Variants in RGS6 observed in about 807,000 individuals in gnomAD.
RGS6 encodes the protein regulator of G protein signaling 6, also known as regulator of G-protein signaling 6.
A neutral mutation model predicts 78.5 loss-of-function variants in RGS6; 30 were observed. That is an observed-to-expected ratio of 0.38 (90% CI 0.29 to 0.52). The LOEUF (loss-of-function observed/expected upper bound fraction) is 0.52, where lower values mean the gene tolerates loss of function less well. Ranked by LOEUF, RGS6 falls within the 20% of genes least tolerant of loss-of-function variation. The pLI is 0.85. For synonymous variants in RGS6, 206 were observed against 206.0 expected (o/e 1.00, Z 0.00); for missense variants, 495 against 609.7 (o/e 0.81, Z 1.98).
chr14:72,162,654 G>T (rs775908807), intron 2 of RGS6, among the ~76,000 whole-genome samples: 10 of 152,078 alleles, frequency 6.6e-5, no homozygotes, highest in Admixed American at 1.3e-4. Context: ...GGTATCTACC[G>T]AGAGGAAAAG....
intron 2 of RGS6, among the ~76,000 whole-genome samples, chr14:72,318,228 A>G (rs911211376): frequency 6.6e-6 from 1 of 152,236 alleles, no homozygotes; most frequent in African/African-American, 2.4e-5. Flanking sequence ...ATTCAAGGGC[A>G]GGAAGCATCC....
intron 17 of RGS6, among the ~76,000 whole-genome samples, chr14:72,542,931 C>T (rs1426023832): frequency 6.6e-6 from 1 of 152,102 alleles, no homozygotes; most frequent in Non-Finnish European, 1.5e-5. Context: ...CTTTTAGGGC[C>T]ATGTTAGTTT....
rs754931476 is a variant in RGS6, at chr14:72,189,815, G to A, written c.85-162280G>A. ...AATGAATACCACATGGTTGAGACAC[G>A]CATAAGATTCAGGTCCATCAGGTCT... On this transcript the variant is annotated intron_variant, in intron 2 of 17. Transcript: ENST00000553525. Among the ~76,000 whole-genome samples, 17 of 152,002 alleles carry A rather than the reference G, an allele frequency of 1.1e-4. 1 individual carries two copies. Among genetic ancestry groups the A allele is most frequent in the Admixed American group, 1.0e-3 (16 of 15,250 alleles).
intron 2 of RGS6, among the ~76,000 whole-genome samples, chr14:72,320,758 T>A (rs915928505): frequency 5.9e-5 from 9 of 151,272 alleles, no homozygotes; most frequent in African/African-American, 2.2e-4. Context: ...AAGCTCTGAA[T>A]GTTCATAAAT....
chr14:72,228,153 T>TCCC (rs1221636972), intron 2 of RGS6, among the ~76,000 whole-genome samples: 1 of 151,746 alleles, frequency 6.6e-6, no homozygotes, highest in East Asian at 1.9e-4. Context: ...CCGAGGTGGG[T>TCCC]AGATAACTTG....
intron 1 of RGS6, among the ~76,000 whole-genome samples, chr14:71,956,447 G>T (rs1328319172): frequency 6.6e-6 from 1 of 151,706 alleles, no homozygotes; most frequent in African/African-American, 2.4e-5. Flanking sequence ...TATCTTACAT[G>T]ATCACAAGGT....
chr14:72,548,347 G>A (rs1214047158), intron 17 of RGS6, among the ~76,000 whole-genome samples: 5 of 134,236 alleles, frequency 3.7e-5, no homozygotes, highest in South Asian at 2.1e-4. Context: ...GTGTGTGCGC[G>A]CGTGTGTGTG....
At chr14:72,268,112 T>C (rs1156406138) in intron 2 of RGS6, among the ~76,000 whole-genome samples, 1 of 152,256 alleles carries the variant, frequency 6.6e-6, no homozygotes, top group Admixed American at 6.5e-5. Context: ...GAAATTTTCC[T>C]GACATTTTGA....
At chr14:72,186,706 A>T (rs149643) in intron 2 of RGS6, among the ~76,000 whole-genome samples, 27,733 of 149,966 alleles carry the variant, frequency 0.18, 2,743 homozygotes, top group East Asian at 0.35. Context: ...CTTCATCTAC[A>T]TTTTTTTTTT....
intron 2 of RGS6, among the ~76,000 whole-genome samples, chr14:72,022,727 A>T (rs1445158148): frequency 6.6e-6 from 1 of 151,692 alleles, no homozygotes; most frequent in Non-Finnish European, 1.5e-5. Flanking sequence ...CTGGCTCAGG[A>T]TTCTTTCATG....
intron 2 of RGS6, chr14:71,990,999 A>C: frequency 2.7e-6 from 1 of 366,372 alleles, no homozygotes; most frequent in Non-Finnish European, 5.4e-6. Context: ...TGAAAATGAC[A>C]TGCCATGTGA....
chr14:72,176,509 A>G (rs2097106458), intron 2 of RGS6, among the ~76,000 whole-genome samples: 1 of 152,128 alleles, frequency 6.6e-6, no homozygotes, highest in South Asian at 2.1e-4. Context: ...ATAGCCATGC[A>G]CCGCTGTGCT....
At chr14:72,198,296 T>C (rs1297614317) in intron 2 of RGS6, among the ~76,000 whole-genome samples, 1 of 152,196 alleles carries the variant, frequency 6.6e-6, no homozygotes, top group African/African-American at 2.4e-5. Flanking sequence ...CAGGCTTCAG[T>C]GAGCCAAAAT....
At chr14:72,486,828 A>G (rs1306532584) in intron 12 of RGS6, among the ~76,000 whole-genome samples, 5 of 152,216 alleles carry the variant, frequency 3.3e-5, no homozygotes, top group African/African-American at 1.2e-4. Context: ...GAGCAAGGAA[A>G]GGGTAAGGAG....
intron 11 of RGS6, among the ~76,000 whole-genome samples, chr14:72,477,860 T>A (rs2153356747): frequency 6.6e-6 from 1 of 151,122 alleles, no homozygotes; most frequent in East Asian, 1.9e-4. Flanking sequence ...ATGATTCCAG[T>A]CAAGCATGCC....
intron 2 of RGS6, among the ~76,000 whole-genome samples, chr14:72,167,326 A>G (rs947620048): frequency 6.6e-6 from 1 of 152,070 alleles, no homozygotes; most frequent in African/African-American, 2.4e-5. Context: ...TGAGGGAGAG[A>G]CTCTACTGGC....
chr14:72,298,639 G>A (rs373774171), intron 2 of RGS6, among the ~76,000 whole-genome samples: 5 of 151,732 alleles, frequency 3.3e-5, no homozygotes, highest in Admixed American at 6.6e-5. Flanking sequence ...TAGTAGAGAC[G>A]GGGTTTCACC....
the RGS6 span, among the ~76,000 whole-genome samples, chr14:71,873,449 A>G: frequency 7.9e-5 from 12 of 152,044 alleles, 1 homozygote; most frequent in Admixed American, 7.9e-4. Context: ...TCTTTTGAGG[A>G]GTGTCTGTTC....
Position 72,088,958 on chromosome 14 carries a change from C to T in RGS6, c.84+124083C>T, listed in dbSNP as rs533876015. On this transcript the variant is annotated intron_variant, in intron 2 of 17. Transcript: ENST00000553525. ...AAGCTTACATGTTCTCATTGTTCAC[C>T]GAACAGTCTTCCCTGGCCACCCAAT... Among the ~76,000 whole-genome samples, 25 of 152,330 alleles carry T rather than the reference C, an allele frequency of 1.6e-4. No homozygotes were observed. In the East Asian group the frequency reaches 3.5e-3, roughly 21 times the overall value.
Sources: gnomAD v4.1 joint callset for allele counts (sites outside exome capture counted in the v4.1 genomes callset) on GRCh38, gnomAD v4.1.1 for gene constraint, MANE v1.5 for transcripts, NCBI Gene and HGNC (gene_info 2026-07-23, HGNC 2026-07-21) for gene names.